The following BZW2 variants were observed in gnomAD, a reference collection of about 807,000 sequenced individuals.
BZW2 encodes basic leucine zipper and W2 domains 2, also known as eIF5-mimic protein 1.
Under a neutral mutation model 53.2 loss-of-function variants are expected in BZW2, and 23 were observed. The observed-to-expected ratio is 0.43, with a 90% CI of 0.31 to 0.61. The LOEUF (loss-of-function observed/expected upper bound fraction) is 0.61. Ranked by LOEUF, BZW2 falls within the 20% of genes least tolerant of loss-of-function variation. The pLI is 0.09. For synonymous variants in BZW2, 227 were observed against 186.4 expected, an observed-to-expected ratio of 1.22 and a Z score of -1.77; for missense variants, 409 against 503.1, an observed-to-expected ratio of 0.81 and a Z score of 1.79.
intron 3 of BZW2, among the ~76,000 whole-genome samples, chr7:16,681,077 CACAGCCTGGGTGACAGAGTGTG>C (rs1782929842): frequency 6.6e-6 from 1 of 152,078 alleles, no homozygotes; most frequent in African/African-American, 2.4e-5. Flanking sequence ...GCACAATTGT[CACAGCCTGGGTGACAGAGTGTG>C]ACTCCATCTC....
intron 10 of BZW2, among the ~76,000 whole-genome samples, chr7:16,702,750 G>A (rs1312016040): frequency 6.6e-6 from 1 of 151,934 alleles, no homozygotes; most frequent in Admixed American, 6.6e-5. Flanking sequence ...AATTCATTAA[G>A]GTGTGGAGAA....
At chr7:16,653,877 TTTTG>T (rs937392951) in intron 1 of BZW2, among the ~76,000 whole-genome samples, 2 of 152,022 alleles carry the variant, frequency 1.3e-5, no homozygotes, top group Admixed American at 6.6e-5. Context: ...TGTTGGGGTT[TTTTG>T]TTTGTTTGAT....
chr7:16,705,674 G>C (rs1455656237), intron 11 of BZW2, among the ~76,000 whole-genome samples: 9 of 124,526 alleles, frequency 7.2e-5, no homozygotes, highest in South Asian at 2.5e-4. Context: ...AACAGAGTGA[G>C]ACTCCATCTC....
chr7:16,650,686 G>A (rs1781963312), intron 1 of BZW2, among the ~76,000 whole-genome samples: 1 of 152,142 alleles, frequency 6.6e-6, no homozygotes, highest in African/African-American at 2.4e-5. Context: ...TAATTAATAT[G>A]AAATCCACCA....
intron 2 of BZW2, among the ~76,000 whole-genome samples, chr7:16,671,930 C>CAAAAAAAAA (rs56356463): frequency 1.2e-4 from 12 of 99,398 alleles, no homozygotes; most frequent in African/African-American, 1.3e-4. Context: ...GACCCTGTTT[C>CAAAAAAAAA]AAAAAAAAAA....
intron 1 of BZW2, among the ~76,000 whole-genome samples, chr7:16,663,574 A>G (rs914158212): frequency 1.3e-5 from 2 of 152,116 alleles, no homozygotes; most frequent in African/African-American, 4.8e-5. Context: ...TTGGTACATA[A>G]ATAATTTTTT....
chr7:16,705,208 A>T (rs1005785638), intron 11 of BZW2, among the ~76,000 whole-genome samples: 1 of 151,838 alleles, frequency 6.6e-6, no homozygotes, highest in African/African-American at 2.4e-5. Flanking sequence ...AACACAAAAA[A>T]ATTAGCCAGG....
intron 9 of BZW2, 44 bp downstream of exon 9, chr7:16,697,105 G>A: frequency 6.3e-7 from 1 of 1,589,028 alleles, no homozygotes. Flanking sequence ...AGGGCAAACT[G>A]CAGCTTTTTT....
intron 11 of BZW2, among the ~76,000 whole-genome samples, chr7:16,705,792 A>G (rs1172060365): frequency 6.7e-6 from 1 of 149,746 alleles, no homozygotes; most frequent in Non-Finnish European, 1.5e-5. Flanking sequence ...ATTTATATGT[A>G]TAAATTTAAT....
At chr7:16,686,132 T>A (rs1392696811) in intron 6 of BZW2, 92 bp downstream of exon 6, 1 of 1,521,832 alleles carries the variant, frequency 6.6e-7, no homozygotes, top group African/African-American at 1.4e-5. Context: ...CTTTTTGGTG[T>A]CCTCTATTAC....
At chr7:16,654,083 C>CAAAAAA (rs61590306) in intron 1 of BZW2, among the ~76,000 whole-genome samples, 3 of 82,534 alleles carry the variant, frequency 3.6e-5, no homozygotes, top group Non-Finnish European at 4.5e-5. Flanking sequence ...CCCATCTCTA[C>CAAAAAA]AAAAAAAAAA....
chr7:16,648,475 C>T (rs910537602), intron 1 of BZW2, among the ~76,000 whole-genome samples: 2 of 152,132 alleles, frequency 1.3e-5, no homozygotes, highest in Non-Finnish European at 1.5e-5. Flanking sequence ...TGTATGTGTC[C>T]TCTCATATCT....
intron 1 of BZW2, among the ~76,000 whole-genome samples, chr7:16,658,971 T>TA (rs922035061): frequency 8.9e-4 from 121 of 135,830 alleles, no homozygotes; most frequent in East Asian, 3.4e-3. Context: ...AAAAATAACT[T>TA]AAAAAAAAAA....
intron 10 of BZW2, among the ~76,000 whole-genome samples, chr7:16,702,480 A>G (rs1165917369): frequency 1.3e-5 from 2 of 152,288 alleles, no homozygotes; most frequent in Non-Finnish European, 2.9e-5. Context: ...AAATATTCTC[A>G]ATTAATGGTA....
rs958592295 is a variant in BZW2 at position 16,665,299 on chromosome 7, G to A, written c.-7-138G>A. On this transcript the variant is annotated intron_variant, in intron 1 of 11. Coordinates refer to ENST00000258761, the MANE Select transcript of BZW2 (RefSeq NM_014038.3). ...CCCACCTGGGCGACAGCGAGACTCT[G>A]TCTCAATTGAAAAAAAAAAAGAGGC... is the stretch of plus-strand genomic sequence containing the variant. 3 of 1,034,850 alleles carry A rather than the reference G, an allele frequency of 2.9e-6. No homozygotes were observed. The African/African-American group carries it at 4.8e-5, about 17-fold the overall frequency. 64.1% of individuals were successfully genotyped at this position (1,034,850 alleles called of 1,614,324 possible).
chr7:16,655,400 T>C lies in BZW2; in HGVS notation c.-8+9112T>C, dbSNP rs980001826. On this transcript the variant is annotated intron_variant, in intron 1 of 11. Coordinates refer to ENST00000258761, the MANE Select transcript of BZW2 (RefSeq NM_014038.3). ...GTAACATTTTTGTTTTTAACTGACA[T>C]ATAGTAATTTTTCATATGTGGGGTA... Among the ~76,000 whole-genome samples, 3 of 152,208 alleles carry C rather than the reference T, an allele frequency of 2.0e-5. No homozygotes were observed. The South Asian group carries it at 6.2e-4, about 31-fold the overall frequency.
At chr7:16,705,964 T>C (rs1149510) in intron 11 of BZW2, 96 bp from the exon 12 acceptor site, 734,964 of 1,359,630 alleles carry the variant, frequency 0.54, 203,062 homozygotes, top group African/African-American at 0.77. Context: ...AGTATGCTGG[T>C]GCAATGGCAG....
chr7:16,684,415 C>G (rs543878801), intron 5 of BZW2, among the ~76,000 whole-genome samples: 16 of 152,232 alleles, frequency 1.1e-4, no homozygotes, highest in African/African-American at 3.9e-4. Flanking sequence ...TGTGTGTATA[C>G]ATGTAATTAT....
intron 3 of BZW2, among the ~76,000 whole-genome samples, chr7:16,676,505 A>G (rs938297078): frequency 6.6e-6 from 1 of 152,178 alleles, no homozygotes; most frequent in Non-Finnish European, 1.5e-5. Context: ...CCGAGATCAC[A>G]CCATTGCGAT....
Sources: gnomAD v4.1 joint callset for allele counts (sites outside exome capture counted in the v4.1 genomes callset) on GRCh38, gnomAD v4.1.1 for gene constraint, MANE v1.5 for transcripts, NCBI Gene and HGNC (gene_info 2026-07-23, HGNC 2026-07-21) for gene names.